ANKRD27: variants seen among roughly 807,000 people sequenced by gnomAD.
ANKRD27 encodes ankyrin repeat domain 27.
ANKRD27 carries 112 observed loss-of-function variants against 129.7 expected under a neutral mutation model. The ratio of observed to expected loss-of-function variants is 0.86; its 90% CI spans 0.74 to 1.01. The LOEUF is 1.01. Ranked by LOEUF, ANKRD27 falls within the 50% of genes least tolerant of loss-of-function variation. The probability of loss-of-function intolerance (pLI) is 0.00; values close to 1 mark genes in which losing one functional copy is unlikely to be tolerated. For missense variants in ANKRD27, 1,258 were observed against 1,300.5 expected, an observed-to-expected ratio of 0.97 and a Z score of 0.50; for synonymous variants, 516 against 511.2, an observed-to-expected ratio of 1.01 and a Z score of -0.13.
chr19:32,613,220 C>T (rs1295533549), intron 22 of ANKRD27, among the ~76,000 whole-genome samples: 6 of 152,280 alleles, frequency 3.9e-5, no homozygotes, highest in East Asian at 3.9e-4. Context: ...TAAGGCCACA[C>T]TGAGATAGTA....
intron 21 of ANKRD27, among the ~76,000 whole-genome samples, chr19:32,617,292 C>T (rs1171002592): frequency 2.0e-5 from 3 of 152,078 alleles, no homozygotes; most frequent in Non-Finnish European, 4.4e-5. Flanking sequence ...ACCTGTAATC[C>T]AAGTACTTTG....
chr19:32,674,655 G>A (rs1348659986), intron 1 of ANKRD27, among the ~76,000 whole-genome samples: 1 of 151,854 alleles, frequency 6.6e-6, no homozygotes, highest in East Asian at 1.9e-4. Flanking sequence ...ACCGCTGCGC[G>A]CGCGGCTCGG....
At chr19:32,601,360 G>A (rs963832921) in intron 26 of ANKRD27, among the ~76,000 whole-genome samples, 2 of 151,568 alleles carry the variant, frequency 1.3e-5, no homozygotes. Flanking sequence ...ACTTTGGGAG[G>A]CCAAGGCGGG....
chr19:32,649,835 T>C (rs767413914), intron 2 of ANKRD27, 43 bp from the exon 3 acceptor site: 9 of 1,295,812 alleles, frequency 6.9e-6, no homozygotes, highest in Admixed American at 1.7e-5. Flanking sequence ...GACGTGCCAT[T>C]TACCACCTCA....
intron 1 of ANKRD27, among the ~76,000 whole-genome samples, chr19:32,659,361 C>T (rs780634194): frequency 1.3e-5 from 2 of 152,086 alleles, no homozygotes; most frequent in East Asian, 3.9e-4. Flanking sequence ...GGATTACAGG[C>T]ATGAGCTGTC....
intron 15 of ANKRD27, among the ~76,000 whole-genome samples, chr19:32,627,351 T>G (rs1457087419): frequency 6.7e-6 from 1 of 150,000 alleles, no homozygotes; most frequent in African/African-American, 2.5e-5. Context: ...CTATCTTGAA[T>G]GTGCACTTTA....
chr19:32,607,351 G>A (rs997055082), intron 23 of ANKRD27, among the ~76,000 whole-genome samples: 2 of 151,790 alleles, frequency 1.3e-5, no homozygotes, highest in Non-Finnish European at 2.9e-5. Flanking sequence ...GCCACCACAC[G>A]AGCTCAAGAG....
At chr19:32,654,265 G>A (rs1251923494) in intron 2 of ANKRD27, among the ~76,000 whole-genome samples, 1 of 152,148 alleles carries the variant, frequency 6.6e-6, no homozygotes, top group East Asian at 1.9e-4. Flanking sequence ...CTCCAGGGCA[G>A]ACTCAAGGGC....
At chr19:32,653,627 C>T (rs531109725) in intron 2 of ANKRD27, among the ~76,000 whole-genome samples, 1 of 152,042 alleles carries the variant, frequency 6.6e-6, no homozygotes, top group South Asian at 2.1e-4. Flanking sequence ...TTCCACTGTC[C>T]AATCAGATAG....
chr19:32,615,765 C>T lies in ANKRD27; in HGVS notation c.2068G>A (p.Glu690Lys). 1 of 1,613,672 alleles carries T rather than the reference C, an allele frequency of 6.2e-7. No homozygotes were observed. The highest frequency in any genetic ancestry group is 8.5e-7 in the Non-Finnish European group (1 of 1,179,778). The change falls in exon 22 of 29, where the codon GAA (glutamate) becomes AAA (lysine). Residue 690 changes from glutamate (E) to lysine (K), a missense_variant. Glu to Lys is a moderately conservative substitution (Grantham distance 56, BLOSUM62 1). Transcript: ENST00000306065. Reference sequence around the variant, plus strand: ...TCCTCCAGGTCCTCCTCTGTCCATTCCAACAGGTAACGCACCTGGTGATGG... The same window carrying T: ...TCCTCCAGGTCCTCCTCTGTCCATTTCAACAGGTAACGCACCTGGTGATGG... ...GDLEMVRYLL[E>K]WTEEDLEDAE...
chr19:32,638,626 C>T (rs1025388732), intron 12 of ANKRD27: 1 of 152,702 alleles, frequency 6.5e-6, no homozygotes, highest in Admixed American at 6.5e-5. Context: ...GCTATGACAC[C>T]CTCTTTGGGG....
At position 32,646,223 on chromosome 19, in the gene ANKRD27, C is replaced by T. The variant is rs141089482; in HGVS notation, c.370+236G>A. Among the ~76,000 whole-genome samples, 374 of 152,058 alleles carry T rather than the reference C, an allele frequency of 2.5e-3. 3 individuals are homozygous for T. Among genetic ancestry groups the T allele is most frequent in the African/African-American group, 8.8e-3 (364 of 41,484 alleles). The stretch of plus-strand genomic sequence containing the variant: ...CTGGGATTACAGGCGTGAGCCACTG[C>T]GCCCGGCTTGATTTTTTTAATTTTT... On this transcript the variant is annotated intron_variant, in intron 4 of 28. Coordinates refer to ENST00000306065, the MANE Select transcript of ANKRD27 (RefSeq NM_032139.3).
chr19:32,635,415 T>C (rs1302060008), intron 12 of ANKRD27, among the ~76,000 whole-genome samples: 1 of 152,214 alleles, frequency 6.6e-6, no homozygotes, highest in Non-Finnish European at 1.5e-5. Flanking sequence ...GAAATTCTGA[T>C]CTGCACACAC....
Position 32,597,246 on chromosome 19 carries a change from A to G in ANKRD27, c.*899T>C, listed in dbSNP as rs1568391548. On this transcript the variant is annotated 3_prime_UTR_variant, in exon 29 of 29. Coordinates refer to ENST00000306065, the MANE Select transcript of ANKRD27 (RefSeq NM_032139.3). ...AGGCCAATAACATAAAAATAACAGTATAATCTATAGAAATTTATAAAAAGG... is the reference window on the plus strand; with the variant it reads ...AGGCCAATAACATAAAAATAACAGTGTAATCTATAGAAATTTATAAAAAGG... 1 of 152,670 alleles carries G rather than the reference A, an allele frequency of 6.6e-6. No homozygotes were observed. Among genetic ancestry groups the G allele is most frequent in the African/African-American group, 2.4e-5 (1 of 41,472 alleles). 9.5% of individuals were successfully genotyped at this position (152,670 alleles called of 1,614,324 possible). A position where few individuals can be genotyped will look rare whatever the true frequency, so the allele number is the denominator to read the frequency against.
At position 32,610,308 on chromosome 19, in the gene ANKRD27, C is replaced by CA. The variant is rs199801685; in HGVS notation, c.2176-2477dup. On this transcript the variant is annotated intron_variant, in intron 22 of 28. Coordinates refer to ENST00000306065, the MANE Select transcript of ANKRD27 (RefSeq NM_032139.3). ...CTGGCGACAGAGCAAGACCCTGTCT[C>CA]AAAAAATAAATAAATAAATAAAATA... Among the ~76,000 whole-genome samples the CA allele has an allele frequency of 3.7e-3, 551 of 149,374 alleles. 3 individuals are homozygous for CA. The highest frequency in any genetic ancestry group is 0.013 in the African/African-American group (511 of 40,794).
intron 21 of ANKRD27, among the ~76,000 whole-genome samples, chr19:32,616,053 G>C (rs1339723492): frequency 6.6e-6 from 1 of 152,178 alleles, no homozygotes; most frequent in African/African-American, 2.4e-5. Flanking sequence ...TAGTCCTAGG[G>C]CTGGGCGCAG....
At chr19:32,614,820 C>A (rs373957499) in intron 22 of ANKRD27, among the ~76,000 whole-genome samples, 17 of 152,222 alleles carry the variant, frequency 1.1e-4, no homozygotes, top group African/African-American at 3.6e-4. Context: ...TACACACACA[C>A]GAGAACAAGC....
intron 2 of ANKRD27, among the ~76,000 whole-genome samples, chr19:32,653,684 C>T (rs1463734389): frequency 6.7e-6 from 1 of 148,954 alleles, no homozygotes; most frequent in Non-Finnish European, 1.5e-5. Flanking sequence ...GGGGGCATCC[C>T]CACAAAAGGA....
intron 1 of ANKRD27, among the ~76,000 whole-genome samples, chr19:32,661,109 G>T (rs541188182): frequency 6.6e-6 from 1 of 151,606 alleles, no homozygotes; most frequent in South Asian, 2.1e-4. Flanking sequence ...GCTGGGGCAG[G>T]AGAATCACTT....
Sources: allele counts gnomAD v4.1 joint callset (sites outside exome capture counted in the v4.1 genomes callset), GRCh38; gene constraint gnomAD v4.1.1; transcripts MANE v1.5; gene names NCBI Gene and HGNC (gene_info 2026-07-23, HGNC 2026-07-21).